Variants in PKHD1L1 observed in about 807,000 individuals in gnomAD.
PKHD1L1 encodes PKHD1 like 1.
PKHD1L1 carries 434 observed loss-of-function variants against 462.9 expected under a neutral mutation model. That is an observed-to-expected ratio of 0.94 (90% confidence interval 0.87 to 1.02). The LOEUF (loss-of-function observed/expected upper bound fraction) is 1.02. Ranked by LOEUF, PKHD1L1 falls within the 50% of genes least tolerant of loss-of-function variation. PKHD1L1 has a pLI of 0.00. For synonymous variants in PKHD1L1, 1,781 were observed against 1,750.0 expected, an observed-to-expected ratio of 1.02 and a Z score of -0.44; for missense variants, 5,202 against 5,096.1, an observed-to-expected ratio of 1.02 and a Z score of -0.63.
At chr8:109,474,903 A>G (rs939839814) in intron 50 of PKHD1L1, among the ~76,000 whole-genome samples, 1 of 152,164 alleles carries the variant, frequency 6.6e-6, no homozygotes, top group Non-Finnish European at 1.5e-5. Flanking sequence ...AATATTAATC[A>G]TTTCAGTTCT....
rs758266714 is a variant in PKHD1L1, at chr8:109,401,572, C to T, written c.1357C>T (p.Leu453=). The T allele has an allele frequency of 2.2e-4, 346 of 1,575,150 alleles. 2 individuals carry two copies. In the Admixed American group the frequency reaches 5.8e-3, roughly 26 times the overall value. Residue 453 remains leucine, a synonymous_variant, in exon 14 of 78, where the codon CTG becomes TTG. Coordinates refer to ENST00000378402, the MANE Select transcript of PKHD1L1 (RefSeq NM_177531.6). The part of the protein sequence containing the change: ...SPTQRSDDIH[L]QKGKEYYIEI... ...AACACAAAGATCAGATGATATTCAT[C>T]TGCAGAAAGGAAAAGAGTAAGGCTT...
intron 52 of PKHD1L1, among the ~76,000 whole-genome samples, chr8:109,477,015 A>G (rs889055593): frequency 6.6e-6 from 1 of 152,164 alleles, no homozygotes; most frequent in African/African-American, 2.4e-5. Flanking sequence ...TTTTAATTAA[A>G]TTCTAAAGCA....
At chr8:109,487,447 C>G (rs1818587031) in intron 59 of PKHD1L1, among the ~76,000 whole-genome samples, 1 of 149,726 alleles carries the variant, frequency 6.7e-6, no homozygotes, top group South Asian at 2.2e-4. Flanking sequence ...TCCCTCCCTC[C>G]CTCCCTTCCT....
chr8:109,376,216 C>T (rs528471980), intron 2 of PKHD1L1, among the ~76,000 whole-genome samples: 59 of 152,356 alleles, frequency 3.9e-4, no homozygotes, highest in Admixed American at 1.8e-3. Flanking sequence ...GCCCCTCCCC[C>T]AGCCTCGCTG....
At chr8:109,390,651 A>G (rs1156740517) in intron 9 of PKHD1L1, among the ~76,000 whole-genome samples, 157 bp downstream of exon 9, 1 of 152,186 alleles carries the variant, frequency 6.6e-6, no homozygotes, top group African/African-American at 2.4e-5. Flanking sequence ...CTTTTCACTC[A>G]CAATTTATGC....
At chr8:109,376,542 A>T (rs868789373) in intron 2 of PKHD1L1, among the ~76,000 whole-genome samples, 2 of 152,100 alleles carry the variant, frequency 1.3e-5, no homozygotes, top group African/African-American at 4.8e-5. Flanking sequence ...AGTGAGATGA[A>T]CCCGGTACCT....
In PKHD1L1 at chr8:109,486,823, T is replaced by A; in HGVS notation, c.9880+2T>A. The A allele has an allele frequency of 6.2e-7, 1 of 1,610,318 alleles. No individual in the cohort carries two copies. Reference sequence around the variant, plus strand: ...CTGAAAATATGATGACATTTAAAGGTTGGTATCAATTCAGTTTATTTTTCT... The same window carrying A: ...CTGAAAATATGATGACATTTAAAGGATGGTATCAATTCAGTTTATTTTTCT... On this transcript the variant is annotated splice_donor_variant, in intron 59 of 77. Coordinates refer to ENST00000378402, the MANE Select transcript of PKHD1L1 (RefSeq NM_177531.6). LOFTEE classifies it high-confidence loss of function.
In PKHD1L1 at chr8:109,412,144, G is replaced by T. The variant is rs1813888353; in HGVS notation, c.2086-121G>T. ...TCAGACAAGGAAGAAAACATCTAAA[G>T]TTAAAGTAATCAGGGAAACAATGGG... On this transcript the variant is annotated intron_variant, in intron 19 of 77. Coordinates refer to ENST00000378402, the MANE Select transcript of PKHD1L1 (RefSeq NM_177531.6). The T allele has an allele frequency of 7.6e-6, 7 of 918,994 alleles. No homozygotes were observed. The East Asian group carries it at 1.8e-4, about 24-fold the overall frequency. The allele number at this position is 918,994 out of a possible 1,614,324, so 56.9% of individuals were successfully genotyped here.
chr8:109,398,398 C>A, intron 11 of PKHD1L1, 61 bp from the exon 12 acceptor site: 1 of 1,049,236 alleles, frequency 9.5e-7, no homozygotes, highest in Non-Finnish European at 1.4e-6. Context: ...TAAAGATACA[C>A]TGATGTGATT....
At chr8:109,520,551 A>G (rs535542385) in intron 73 of PKHD1L1, among the ~76,000 whole-genome samples, 3 of 152,292 alleles carry the variant, frequency 2.0e-5, no homozygotes. Context: ...GGTGGGAGGG[A>G]CAGGCTAATG....
intron 50 of PKHD1L1, among the ~76,000 whole-genome samples, chr8:109,469,425 G>A (rs1233023000): frequency 6.6e-6 from 1 of 152,036 alleles, no homozygotes; most frequent in Non-Finnish European, 1.5e-5. Flanking sequence ...TTCCCTAAGG[G>A]TGAGAATCAG....
chr8:109,395,170 A>G (rs1419607829), intron 10 of PKHD1L1, among the ~76,000 whole-genome samples: 1 of 152,218 alleles, frequency 6.6e-6, no homozygotes, highest in African/African-American at 2.4e-5. Flanking sequence ...GTAAAGTCAA[A>G]AAATGTAAAG....
chr8:109,396,503 T>C (rs1478422613), intron 11 of PKHD1L1, among the ~76,000 whole-genome samples: 1 of 152,210 alleles, frequency 6.6e-6, no homozygotes, highest in Non-Finnish European at 1.5e-5. Flanking sequence ...GCGAGTTAGC[T>C]AATTGTGAGG....
At chr8:109,433,593 G>T (rs967129439) in intron 28 of PKHD1L1, among the ~76,000 whole-genome samples, 2 of 152,138 alleles carry the variant, frequency 1.3e-5, no homozygotes, top group Non-Finnish European at 2.9e-5. Flanking sequence ...TGCCATGCAG[G>T]AAGAGGACCT....
At chr8:109,472,411 T>C (rs918956043) in intron 50 of PKHD1L1, among the ~76,000 whole-genome samples, 1 of 152,164 alleles carries the variant, frequency 6.6e-6, no homozygotes, top group African/African-American at 2.4e-5. Flanking sequence ...GTCTATATTC[T>C]GGTTTTTTGA....
chr8:109,404,547 T>A lies in PKHD1L1; in HGVS notation c.1374-7T>A. On this transcript the variant is annotated splice_region_variant and splice_polypyrimidine_tract_variant and intron_variant, in intron 14 of 77. Coordinates refer to ENST00000378402, the MANE Select transcript of PKHD1L1 (RefSeq NM_177531.6). The stretch of plus-strand genomic sequence containing the variant: ...AAGTTATATTCATTAGTTACTCTAT[T>A]TTCCAGATACTATATTGAAATCTTG... 6.6e-7 allele frequency: 1 copy of A among 1,510,242 alleles called. No homozygotes were observed. The highest frequency in any genetic ancestry group is 8.9e-7 in the Non-Finnish European group (1 of 1,124,150). 93.6% of individuals were successfully genotyped at this position (1,510,242 alleles called of 1,614,324 possible). A position where few individuals can be genotyped will look rare whatever the true frequency, so the allele number is the denominator to read the frequency against.
chr8:109,399,753 A>G (rs1026395449), intron 12 of PKHD1L1, among the ~76,000 whole-genome samples: 21 of 152,132 alleles, frequency 1.4e-4, no homozygotes, highest in Non-Finnish European at 2.9e-5. Flanking sequence ...ACTATATATT[A>G]TCTTACATAA....
intron 28 of PKHD1L1, among the ~76,000 whole-genome samples, chr8:109,434,179 G>A (rs555962232): frequency 3.7e-4 from 57 of 152,078 alleles, no homozygotes; most frequent in Non-Finnish European, 4.7e-4. Flanking sequence ...AGCAAACCAC[G>A]ATGATATGTG....
intron 4 of PKHD1L1, among the ~76,000 whole-genome samples, chr8:109,383,164 TA>T (rs1223696091): frequency 9.4e-6 from 1 of 106,710 alleles, no homozygotes; most frequent in Non-Finnish European, 1.7e-5. Flanking sequence ...TATTTATATA[TA>T]ATATATACAA....
Sources: allele counts gnomAD v4.1 joint callset (sites outside exome capture counted in the v4.1 genomes callset), GRCh38; gene constraint gnomAD v4.1.1; transcripts MANE v1.5; gene names NCBI Gene and HGNC (gene_info 2026-07-23, HGNC 2026-07-21).